The following ERN2 variants were observed in gnomAD, a reference collection of about 807,000 sequenced individuals.
The protein encoded by ERN2 is endoplasmic reticulum to nucleus signaling 2, also known as serine/threonine-protein kinase/endoribonuclease IRE2.
Under a neutral mutation model 107.9 loss-of-function variants are expected in ERN2, and 111 were observed. The observed-to-expected ratio is 1.03, with a 90% confidence interval of 0.88 to 1.20. ERN2 has a LOEUF of 1.20. ERN2 is among the 50% of genes most tolerant of loss of function. The probability of loss-of-function intolerance (pLI) is 0.00; values close to 1 mark genes in which losing one functional copy is unlikely to be tolerated. For missense variants in ERN2, 1,225 were observed against 1,197.9 expected, an observed-to-expected ratio of 1.02 and a Z score of -0.33; for synonymous variants, 524 against 501.7, an observed-to-expected ratio of 1.04 and a Z score of -0.59.
At chr16:23,693,487 G>T (rs1270743410) in intron 17 of ERN2, among the ~76,000 whole-genome samples, 2 of 151,940 alleles carry the variant, frequency 1.3e-5, no homozygotes, top group African/African-American at 4.8e-5. Context: ...TACTAGGGAG[G>T]CTGAGGCAGG....
At position 23,692,033 on chromosome 16, in the gene ERN2, C is replaced by T. The variant is rs776933345; in HGVS notation, c.2306G>A (p.Arg769His). The stretch of plus-strand genomic sequence containing the variant: ...GGCCAGCACCTGGGGGGCAGAGGGG[C>T]GTGGCTGCGGCAGTGGGCTCAACAT... ...GAMLSPLPQP[R>H]PSAPQVLAHP... The change falls in exon 19 of 22, where the codon CGC (arginine) becomes CAC (histidine). Residue 769 changes from arginine to histidine, a missense_variant. Transcript: ENST00000256797. The T allele has an allele frequency of 3.7e-6, 6 of 1,613,814 alleles. No individual in the cohort carries two copies. The highest frequency in any genetic ancestry group is 1.1e-5 in the South Asian group (1 of 91,080).
At chr16:23,702,754 T>C in intron 8 of ERN2, 52 bp from the exon 9 acceptor site, 1 of 1,478,092 alleles carries the variant, frequency 6.8e-7, no homozygotes, top group East Asian at 2.3e-5. Context: ...TGATGGGTAG[T>C]TTCAGTTATC....
intron 17 of ERN2, among the ~76,000 whole-genome samples, chr16:23,692,546 G>A (rs559752127): frequency 6.6e-6 from 1 of 152,294 alleles, no homozygotes; most frequent in East Asian, 1.9e-4. Flanking sequence ...CCCTTACTGA[G>A]CTAGTTCAGG....
Position 23,706,338 on chromosome 16 carries a change from G to C in ERN2, c.581C>G (p.Pro194Arg). ...RYSAPPMDGS[P>R]GKYMSHLASC... ...AGAAAGGTGGAACTCACATTTCCCA[G>C]GTGAGCCATCCATGGGGGGCGCTGA... Residue 194 changes from proline (P) to arginine (R), a missense_variant, in exon 7 of 22, where the codon CCT becomes CGT. Transcript: ENST00000256797. 1.3e-6 allele frequency: 2 copies of C among 1,534,186 alleles called. No individual in the cohort carries two copies. The highest frequency in any genetic ancestry group is 4.5e-5 in the Admixed American group (2 of 44,866).
chr16:23,695,469 T>A, intron 14 of ERN2, 80 bp from the exon 15 acceptor site: 1 of 1,396,470 alleles, frequency 7.2e-7, no homozygotes, highest in Non-Finnish European at 9.7e-7. Flanking sequence ...CTCACACCTG[T>A]AATCCTAGCA....
chr16:23,713,123 G>C lies in ERN2; in HGVS notation c.65C>G (p.Ala22Gly), dbSNP rs764789207. Residue 22 changes from alanine (A) to glycine (G), a missense_variant, in exon 1 of 22, where the codon GCG (alanine) becomes GGG (glycine). Physicochemically the swap from Ala to Gly is moderately conservative, Grantham distance 60. Coordinates refer to ENST00000256797, the MANE Select transcript of ERN2 (RefSeq NM_033266.4). ...TGGACTCAGCGTCCCGAGCAGCAGC[G>C]CCGCGAACTGGAGCTGGAGCCCCAG... is the stretch of plus-strand genomic sequence containing the variant. ...PRLGLQLQFA[A>G]LLLGTLSPQV... 2 of 1,575,406 alleles carry C rather than the reference G, an allele frequency of 1.3e-6. No homozygotes were observed. Among genetic ancestry groups the C allele is most frequent in the South Asian group, 2.3e-5 (2 of 86,096 alleles).
intron 12 of ERN2, 90 bp downstream of exon 12, chr16:23,700,869 C>A: frequency 6.7e-7 from 1 of 1,503,396 alleles, no homozygotes; most frequent in Non-Finnish European, 9.0e-7. Flanking sequence ...AAAATCAGAG[C>A]TGGGTAGAGG....
chr16:23,706,697 A>G, intron 6 of ERN2, 57 bp downstream of exon 6: 1 of 1,233,298 alleles, frequency 8.1e-7, no homozygotes, highest in Non-Finnish European at 1.2e-6. Flanking sequence ...GCTAGATCTC[A>G]GCAGAGCAAA....
At chr16:23,696,497 A>T (rs747906882) in intron 13 of ERN2, among the ~76,000 whole-genome samples, 23 of 152,206 alleles carry the variant, frequency 1.5e-4, no homozygotes, top group Non-Finnish European at 3.1e-4. Flanking sequence ...TGGAAGAGTG[A>T]TGAGAGTGAG....
At chr16:23,708,795 G>A in intron 4 of ERN2, among the ~76,000 whole-genome samples, 1 of 152,126 alleles carries the variant, frequency 6.6e-6, no homozygotes, top group East Asian at 1.9e-4. Flanking sequence ...TGCCGTGATT[G>A]TAAGTTTCCT....
intron 4 of ERN2, among the ~76,000 whole-genome samples, chr16:23,707,923 C>T (rs1325165802): frequency 6.6e-6 from 1 of 152,226 alleles, no homozygotes; most frequent in Non-Finnish European, 1.5e-5. Flanking sequence ...CCACCCTTCT[C>T]TACTCTGCTT....
rs555101658 is a variant in ERN2, at chr16:23,690,318, G to A, written c.*513C>T. The A allele has an allele frequency of 4.7e-5, 27 of 574,858 alleles. No individual in the cohort carries two copies. The highest frequency in any genetic ancestry group is 4.1e-4 in the African/African-American group (22 of 53,654). The allele number at this position is 574,858 out of a possible 1,614,324, so 35.6% of individuals were successfully genotyped here. On this transcript the variant is annotated 3_prime_UTR_variant, in exon 22 of 22. Coordinates refer to ENST00000256797, the MANE Select transcript of ERN2 (RefSeq NM_033266.4). ...TGTACAGAATATTTCTATTGAATTCGGAACTGTCCTTTCCTTGGCTTTATG... is the reference window on the plus strand; with the variant it reads ...TGTACAGAATATTTCTATTGAATTCAGAACTGTCCTTTCCTTGGCTTTATG...
At chr16:23,702,114 GCCTCCCTACCC>G (rs1960096337) in intron 11 of ERN2, 27 bp downstream of exon 11, 1 of 1,590,106 alleles carries the variant, frequency 6.3e-7, no homozygotes. Context: ...ATCTGCTGGG[GCCTCCCTACCC>G]CCACTCTCTC....
chr16:23,700,687 C>T lies in ERN2; in HGVS notation c.1377G>A (p.Val459=). 1 of 1,613,214 alleles carries T rather than the reference C, an allele frequency of 6.2e-7. No individual in the cohort carries two copies. The highest frequency in any genetic ancestry group is 2.2e-5 in the East Asian group (1 of 44,866). Residue 459 remains valine (V), a synonymous_variant, in exon 13 of 22, where the codon GTG becomes GTA. Transcript: ENST00000256797. ...FVMRQQQPQV[V]EKQQETPLAP... is the part of the protein sequence containing the mutation. Reference sequence around the variant, plus strand: ...CCAGGGGGGTCTCCTGCTGCTTCTCCACCACCTGCGGCTGTTGCTGTAACA... The same window carrying T: ...CCAGGGGGGTCTCCTGCTGCTTCTCTACCACCTGCGGCTGTTGCTGTAACA...
rs56006159 is a variant in ERN2 at position 23,710,539 on chromosome 16, G to A, written c.210C>T (p.Ile70=). The A allele has an allele frequency of 2.9e-3, 4,608 of 1,614,100 alleles. 14 individuals are homozygous for A. The highest frequency in any genetic ancestry group is 3.5e-3 in the Non-Finnish European group (4,085 of 1,180,012). ...LKWTLRDDPV[I]EGPMYVTEMA... is the part of the protein sequence containing the mutation. ...ACTCTGTGACGTACATTGGTCCTTC[G>A]ATGACGGGATCTGCAGGGACAGGGA... is the stretch of plus-strand genomic sequence containing the variant. Residue 70 remains isoleucine (I), a synonymous_variant, in exon 3 of 22, where the codon ATC becomes ATT. Transcript: ENST00000256797.
Position 23,702,151 on chromosome 16 carries a change from C to T in ERN2, c.1203+1G>A. 5 of 1,612,602 alleles carry T rather than the reference C, an allele frequency of 3.1e-6. No individual in the cohort carries two copies. The highest frequency in any genetic ancestry group is 4.2e-6 in the Non-Finnish European group (5 of 1,179,548). On this transcript the variant is annotated splice_donor_variant, in intron 11 of 21. Transcript: ENST00000256797. LOFTEE classifies it high-confidence loss of function. ...CCACTCTCTCCCCTCCCAGCACTGA[C>T]CTCCAAGAAGAAGGCTGGGGCCTGG...
chr16:23,695,871 C>G, intron 14 of ERN2, 23 bp downstream of exon 14: 1 of 1,603,946 alleles, frequency 6.2e-7, no homozygotes, highest in Non-Finnish European at 8.5e-7. Flanking sequence ...ATGTCCCCAG[C>G]TTGGCTCCTG....
At chr16:23,705,250 A>C in intron 7 of ERN2, 103 bp from the exon 8 acceptor site, 1 of 1,252,514 alleles carries the variant, frequency 8.0e-7, no homozygotes, top group South Asian at 1.4e-5. Flanking sequence ...TGGAGATCAC[A>C]TGGAGGGTTA....
rs116346456 is a variant in ERN2, at chr16:23,711,794, C to T, written c.94-776G>A. On this transcript the variant is annotated intron_variant, in intron 1 of 21. Coordinates refer to ENST00000256797, the MANE Select transcript of ERN2 (RefSeq NM_033266.4). ...AAAACTAAGGACTTGAGTTGCCATCCCTCTGATTCCTATGCCTGGCCTCTT... is the reference window on the plus strand; with the variant it reads ...AAAACTAAGGACTTGAGTTGCCATCTCTCTGATTCCTATGCCTGGCCTCTT... Among the ~76,000 whole-genome samples, 4 of 152,176 alleles carry T rather than the reference C, an allele frequency of 2.6e-5. No individual in the cohort carries two copies. In the East Asian group the frequency reaches 7.7e-4, roughly 29 times the overall value.
Sources: allele counts gnomAD v4.1 joint callset (sites outside exome capture counted in the v4.1 genomes callset), GRCh38; gene constraint gnomAD v4.1.1; transcripts MANE v1.5; gene names NCBI Gene and HGNC (gene_info 2026-07-23, HGNC 2026-07-21).